Variants in SPTLC2 observed in about 807,000 individuals in gnomAD.
SPTLC2 encodes the protein serine palmitoyltransferase long chain base subunit 2, also known as serine palmitoyltransferase 2.
Under a neutral mutation model 62.0 loss-of-function variants are expected in SPTLC2, and 21 were observed. That is an observed-to-expected ratio of 0.34 (90% confidence interval 0.24 to 0.49). The LOEUF (loss-of-function observed/expected upper bound fraction) is 0.49, where lower values mean the gene tolerates loss of function less well. SPTLC2 is among the 20% of genes least tolerant of loss of function. The pLI is 0.99. For missense variants in SPTLC2, 511 were observed against 713.0 expected (o/e 0.72, Z 3.23); for synonymous variants, 261 against 261.8 (o/e 1.00, Z 0.03).
intron 11 of SPTLC2, among the ~76,000 whole-genome samples, chr14:77,513,810 G>A (rs1011192440): frequency 4.0e-5 from 6 of 150,362 alleles, no homozygotes; most frequent in South Asian, 4.2e-4. Flanking sequence ...CAGGAGAATC[G>A]CTTGAACCCA....
intron 2 of SPTLC2, among the ~76,000 whole-genome samples, chr14:77,594,581 C>T (rs1404695081): frequency 6.6e-6 from 1 of 152,112 alleles, no homozygotes; most frequent in Non-Finnish European, 1.5e-5. Flanking sequence ...GGCAACATGG[C>T]GAGACGCTGT....
intron 2 of SPTLC2, among the ~76,000 whole-genome samples, chr14:77,592,556 T>C (rs1305463534): frequency 6.6e-6 from 1 of 152,226 alleles, no homozygotes; most frequent in Non-Finnish European, 1.5e-5. Context: ...AAACATATAA[T>C]GTCCCTTCGC....
intron 9 of SPTLC2, among the ~76,000 whole-genome samples, chr14:77,537,348 T>C (rs759799897): frequency 1.3e-5 from 2 of 152,168 alleles, no homozygotes; most frequent in Admixed American, 6.6e-5. Flanking sequence ...GTCTCTACTT[T>C]GTAATTCATT....
At chr14:77,583,321 GTC>G (rs2079763614) in intron 2 of SPTLC2, among the ~76,000 whole-genome samples, 1 of 151,942 alleles carries the variant, frequency 6.6e-6, no homozygotes, top group East Asian at 1.9e-4. Context: ...GAGGGGAGGG[GTC>G]ACTACTTGCA....
intron 1 of SPTLC2, among the ~76,000 whole-genome samples, chr14:77,608,694 T>G (rs1036116697): frequency 6.6e-6 from 1 of 152,008 alleles, no homozygotes; most frequent in African/African-American, 2.4e-5. Context: ...TGTAAGCAGA[T>G]GGACTTGGAG....
intron 4 of SPTLC2, 76 bp downstream of exon 4, chr14:77,576,691 G>A (rs2079717678): frequency 1.0e-5 from 16 of 1,587,678 alleles, no homozygotes; most frequent in Non-Finnish European, 1.2e-5. Flanking sequence ...AATACTCTAG[G>A]TCAATATTAC....
At chr14:77,586,311 A>C (rs2079781242) in intron 2 of SPTLC2, among the ~76,000 whole-genome samples, 1 of 152,084 alleles carries the variant, frequency 6.6e-6, no homozygotes, top group East Asian at 1.9e-4. Flanking sequence ...CCTGACCTCA[A>C]GCGATCCACC....
chr14:77,543,612 G>A (rs1436839906), intron 9 of SPTLC2, among the ~76,000 whole-genome samples: 1 of 152,030 alleles, frequency 6.6e-6, no homozygotes, highest in Admixed American at 6.6e-5. Flanking sequence ...GTAATTTGAG[G>A]ATTAATAGGT....
intron 9 of SPTLC2, among the ~76,000 whole-genome samples, chr14:77,545,878 A>C (rs2079525714): frequency 6.6e-6 from 1 of 152,218 alleles, no homozygotes; most frequent in Non-Finnish European, 1.5e-5. Flanking sequence ...TTGGATTTGG[A>C]AGAAAAAGAT....
intron 5 of SPTLC2, among the ~76,000 whole-genome samples, chr14:77,568,991 T>C (rs758732089): frequency 2.6e-5 from 4 of 152,200 alleles, no homozygotes; most frequent in Non-Finnish European, 4.4e-5. Flanking sequence ...CCTTGAGCAG[T>C]AGGATATAAA....
At chr14:77,596,151 C>G (rs2079845788) in intron 2 of SPTLC2, among the ~76,000 whole-genome samples, 2 of 152,090 alleles carry the variant, frequency 1.3e-5, no homozygotes, top group Non-Finnish European at 2.9e-5. Flanking sequence ...TCCTGGCTAA[C>G]ACAGTAAAAC....
chr14:77,523,371 C>T (rs536504241), intron 9 of SPTLC2, among the ~76,000 whole-genome samples: 1 of 152,306 alleles, frequency 6.6e-6, no homozygotes, highest in East Asian at 1.9e-4. Flanking sequence ...AGGGCCCAGT[C>T]TTGCCAGCTG....
intron 9 of SPTLC2, among the ~76,000 whole-genome samples, chr14:77,532,812 T>A (rs1289186117): frequency 9.4e-6 from 1 of 106,242 alleles, no homozygotes; most frequent in African/African-American, 2.8e-5. Context: ...TAAAAATAAA[T>A]AAATAAATAA....
intron 9 of SPTLC2, among the ~76,000 whole-genome samples, chr14:77,531,023 C>T (rs2079435820): frequency 6.6e-6 from 1 of 152,188 alleles, no homozygotes; most frequent in South Asian, 2.1e-4. Context: ...CAGTCTACTA[C>T]ATCATGCAGA....
At chr14:77,585,643 C>G (rs1350930057) in intron 2 of SPTLC2, among the ~76,000 whole-genome samples, 1 of 152,112 alleles carries the variant, frequency 6.6e-6, no homozygotes, top group Non-Finnish European at 1.5e-5. Context: ...ACCTATGCAT[C>G]CAGTGCAGGG....
intron 10 of SPTLC2, 106 bp downstream of exon 10, chr14:77,521,340 C>T: frequency 4.2e-6 from 6 of 1,413,808 alleles, no homozygotes; most frequent in Non-Finnish European, 6.0e-6. Context: ...TGAAGGTTAA[C>T]ACAGTAAGGA....
chr14:77,571,039 G>A (rs571569552), intron 4 of SPTLC2, among the ~76,000 whole-genome samples: 75 of 152,236 alleles, frequency 4.9e-4, no homozygotes, highest in Middle Eastern at 3.4e-3. Context: ...AGTGTCAAAC[G>A]TGAGTTAAGA....
Position 77,511,948 on chromosome 14 carries a change from G to A in SPTLC2, c.*336C>T, listed in dbSNP as rs2079334257. 1 of 358,188 alleles carries A rather than the reference G, an allele frequency of 2.8e-6. No individual in the cohort carries two copies. The highest frequency in any genetic ancestry group is 2.1e-5 in the African/African-American group (1 of 47,102). 22.2% of individuals were successfully genotyped at this position (358,188 alleles called of 1,614,324 possible). On this transcript the variant is annotated 3_prime_UTR_variant, in exon 12 of 12. Transcript: ENST00000216484. ...TGGGCCCAAGTCTGCAAGGTGCTGG[G>A]AGAGGGGAATGGCCTGTGTGGTTAG...
intron 11 of SPTLC2, among the ~76,000 whole-genome samples, chr14:77,513,016 C>CTTTTTTTTTTTTTTTT (rs1190713237): frequency 8.0e-5 from 5 of 62,820 alleles, no homozygotes; most frequent in South Asian, 7.6e-4. Context: ...AACCCAGCAA[C>CTTTTTTTTTTTTTTTT]TTTTTTTTTT....
Sources: gnomAD v4.1 joint callset for allele counts (sites outside exome capture counted in the v4.1 genomes callset) on GRCh38, gnomAD v4.1.1 for gene constraint, MANE v1.5 for transcripts, NCBI Gene and HGNC (gene_info 2026-07-23, HGNC 2026-07-21) for gene names.